Variants in RBFOX1 observed in about 807,000 individuals in gnomAD.
The protein encoded by RBFOX1 is RNA binding protein fox-1 homolog 1.
Under a neutral mutation model 57.7 loss-of-function variants are expected in RBFOX1, and 8 were observed. That is an observed-to-expected ratio of 0.14 (90% CI 0.08 to 0.25). The LOEUF (loss-of-function observed/expected upper bound fraction) is 0.25. Among genes scored for constraint, RBFOX1 ranks in the 10% least tolerant of loss-of-function variants. The probability of loss-of-function intolerance (pLI) is 1.00; values close to 1 mark genes in which losing one functional copy is unlikely to be tolerated. For synonymous variants in RBFOX1, 326 were observed against 222.4 expected (o/e 1.47, Z -4.15); for missense variants, 611 against 548.5 (o/e 1.11, Z -1.14).
At chr16:7,468,700 G>A (rs979190011) in intron 4 of RBFOX1, among the ~76,000 whole-genome samples, 5 of 152,114 alleles carry the variant, frequency 3.3e-5, no homozygotes, top group African/African-American at 9.7e-5. Flanking sequence ...CTGAAGATAG[G>A]TTGTTTAAAC....
intron 4 of RBFOX1, among the ~76,000 whole-genome samples, chr16:5,925,835 TA>T (rs1350614974): frequency 1.3e-5 from 2 of 152,152 alleles, no homozygotes; most frequent in Non-Finnish European, 2.9e-5. Flanking sequence ...AACCTCCAAA[TA>T]ACTACCTGGG....
intron 3 of RBFOX1, among the ~76,000 whole-genome samples, chr16:6,959,048 C>T (rs555606474): frequency 6.6e-6 from 1 of 152,064 alleles, no homozygotes; most frequent in Non-Finnish European, 1.5e-5. Context: ...TAAAACTTCA[C>T]CATCTAAGTA....
At chr16:5,349,440 G>A (rs1000125943) in intron 1 of RBFOX1, among the ~76,000 whole-genome samples, 1 of 152,188 alleles carries the variant, frequency 6.6e-6, no homozygotes, top group African/African-American at 2.4e-5. Flanking sequence ...TTGGGAGGGT[G>A]AGGCCAGCGG....
At chr16:6,787,826 A>T (rs1400514384) in intron 3 of RBFOX1, among the ~76,000 whole-genome samples, 3 of 152,254 alleles carry the variant, frequency 2.0e-5, no homozygotes. Context: ...CTACTGAAAT[A>T]GAAGTATATT....
At chr16:6,003,235 C>T (rs1273439901) in intron 4 of RBFOX1, among the ~76,000 whole-genome samples, 2 of 149,576 alleles carry the variant, frequency 1.3e-5, no homozygotes, top group Non-Finnish European at 3.0e-5. Context: ...GCCGAGATCG[C>T]GCCACTGCAC....
At chr16:7,694,557 G>GTA (rs1336575710) in intron 14 of RBFOX1, among the ~76,000 whole-genome samples, 2 of 152,298 alleles carry the variant, frequency 1.3e-5, no homozygotes, top group East Asian at 3.9e-4. Flanking sequence ...TAAAACAATG[G>GTA]TATACTCTTT....
intron 3 of RBFOX1, among the ~76,000 whole-genome samples, chr16:6,876,550 G>C (rs916773860): frequency 6.6e-6 from 1 of 152,064 alleles, no homozygotes; most frequent in African/African-American, 2.4e-5. Context: ...AAAAAATTAA[G>C]TCACTTCTAT....
chr16:7,305,486 A>G (rs796391850), intron 4 of RBFOX1, among the ~76,000 whole-genome samples: 2 of 152,084 alleles, frequency 1.3e-5, no homozygotes, highest in South Asian at 2.1e-4. Context: ...ATCCTATTCT[A>G]TGAAGGTTTA....
At chr16:5,373,590 C>T (rs973169984) in intron 1 of RBFOX1, among the ~76,000 whole-genome samples, 1 of 151,854 alleles carries the variant, frequency 6.6e-6, no homozygotes. Context: ...AACCGTGAGC[C>T]AGTTAAACGT....
At chr16:6,161,636 C>A (rs1056445732) in intron 1 of RBFOX1, among the ~76,000 whole-genome samples, 1 of 152,132 alleles carries the variant, frequency 6.6e-6, no homozygotes, top group Non-Finnish European at 1.5e-5. Context: ...AAATGCCCAA[C>A]ATCATTTAGG....
intron 4 of RBFOX1, among the ~76,000 whole-genome samples, chr16:7,320,485 G>C (rs539844925): frequency 1.3e-5 from 2 of 152,144 alleles, no homozygotes; most frequent in African/African-American, 2.4e-5. Context: ...TCTTTGATGG[G>C]CATTTGTGTT....
Position 6,568,871 on chromosome 16 carries a change from C to T in RBFOX1, c.-63-85732C>T, listed in dbSNP as rs141442912. On this transcript the variant is annotated intron_variant, in intron 2 of 15. Coordinates refer to ENST00000550418, the MANE Select transcript of RBFOX1 (RefSeq NM_018723.4). ...GCAACCTCCGCCTCCTGGGTTTAAG[C>T]GATTATCCTGCCTCAGCACTGCCCC... Among the ~76,000 whole-genome samples, 62 of 152,198 alleles carry T rather than the reference C, an allele frequency of 4.1e-4. 1 individual carries two copies. In the South Asian group the frequency reaches 0.01, roughly 25 times the overall value.
intron 10 of RBFOX1, among the ~76,000 whole-genome samples, chr16:7,619,848 T>C (rs947875098): frequency 2.6e-5 from 4 of 152,172 alleles, no homozygotes; most frequent in East Asian, 3.9e-4. Context: ...ATGTGCCAAA[T>C]TGGAGGAGCT....
At chr16:6,501,082 A>G (rs2095903607) in intron 2 of RBFOX1, among the ~76,000 whole-genome samples, 1 of 145,858 alleles carries the variant, frequency 6.9e-6, no homozygotes, top group Non-Finnish European at 1.5e-5. Flanking sequence ...CTGCTTGATG[A>G]GTTCAGAGGT....
intron 2 of RBFOX1, among the ~76,000 whole-genome samples, chr16:5,495,030 A>G (rs966234753): frequency 2.0e-5 from 3 of 152,192 alleles, no homozygotes; most frequent in Non-Finnish European, 4.4e-5. Context: ...TACTGCTATA[A>G]AAGACATACC....
intron 2 of RBFOX1, among the ~76,000 whole-genome samples, chr16:6,508,705 C>G (rs1342730543): frequency 6.6e-6 from 1 of 152,134 alleles, no homozygotes; most frequent in Admixed American, 6.5e-5. Context: ...TCTGCAGTTA[C>G]TTCATCCTAA....
intron 3 of RBFOX1, among the ~76,000 whole-genome samples, chr16:6,964,266 C>A (rs36037495): frequency 1.3e-5 from 2 of 152,040 alleles, no homozygotes; most frequent in African/African-American, 2.4e-5. Flanking sequence ...TGATGCACCC[C>A]CCTCGACCTC....
chr16:5,317,535 G>C (rs2064276356), intron 1 of RBFOX1, among the ~76,000 whole-genome samples: 1 of 152,182 alleles, frequency 6.6e-6, no homozygotes, highest in Non-Finnish European at 1.5e-5. Context: ...CTTGAATCTG[G>C]GAGGTGGAGT....
intron 4 of RBFOX1, among the ~76,000 whole-genome samples, chr16:5,942,401 C>G (rs964293910): frequency 6.6e-6 from 1 of 152,094 alleles, no homozygotes; most frequent in Non-Finnish European, 1.5e-5. Context: ...AGTCACGGGT[C>G]TGAGTGGAAT....
Sources: allele counts gnomAD v4.1 joint callset (sites outside exome capture counted in the v4.1 genomes callset), GRCh38; gene constraint gnomAD v4.1.1; transcripts MANE v1.5; gene names NCBI Gene and HGNC (gene_info 2026-07-23, HGNC 2026-07-21).